Variants in BMAL1 observed in about 807,000 individuals in gnomAD.
BMAL1 encodes basic helix-loop-helix ARNT like 1.
the BMAL1 span, among the ~76,000 whole-genome samples, chr11:13,294,885 T>C: frequency 6.6e-6 from 1 of 152,212 alleles, no homozygotes; most frequent in Non-Finnish European, 1.5e-5. Flanking sequence ...TATTGTTGAT[T>C]TGGCTGTGGC....
chr11:13,303,863 A>T, the BMAL1 span, among the ~76,000 whole-genome samples: 1 of 152,182 alleles, frequency 6.6e-6, no homozygotes, highest in Non-Finnish European at 1.5e-5. Flanking sequence ...GCCTAAAAAA[A>T]GGAAGTGGGT....
chr11:13,374,019 G>T, the BMAL1 span: 3 of 1,334,110 alleles, frequency 2.2e-6, no homozygotes, highest in African/African-American at 4.3e-5. Context: ...CTGTAGCAGG[G>T]TTTATCCATT....
the BMAL1 span, among the ~76,000 whole-genome samples, chr11:13,343,644 G>A: frequency 4.4e-4 from 67 of 152,292 alleles, no homozygotes; most frequent in African/African-American, 1.5e-3. Flanking sequence ...TTGACAAAGG[G>A]TTAAGAAGAC....
the BMAL1 span, among the ~76,000 whole-genome samples, chr11:13,284,198 GTATATATATATGTGTA>G: frequency 1.5e-4 from 11 of 71,842 alleles, 2 homozygotes; most frequent in East Asian, 3.8e-3. Context: ...ATATATGTGT[GTATATATATATGTGTA>G]TATATATATA....
chr11:13,278,181 C>A, the BMAL1 span, among the ~76,000 whole-genome samples: 23 of 152,212 alleles, frequency 1.5e-4, no homozygotes, highest in Non-Finnish European at 2.8e-4. Context: ...GCTGCCGCTG[C>A]GGGCTAGGGC....
the BMAL1 span, among the ~76,000 whole-genome samples, chr11:13,334,483 A>G: frequency 0.66 from 100,831 of 151,792 alleles, 34,233 homozygotes; most frequent in African/African-American, 0.76. Flanking sequence ...CAGGGTTCAT[A>G]AAATGGTAGC....
chr11:13,373,203 A>T, the BMAL1 span, among the ~76,000 whole-genome samples: 3 of 152,322 alleles, frequency 2.0e-5, no homozygotes, highest in African/African-American at 7.2e-5. Flanking sequence ...TGAAGAACAG[A>T]GGCCAGCCTG....
chr11:13,354,210 A>ACCCC, the BMAL1 span: 3 of 273,514 alleles, frequency 1.1e-5, no homozygotes, highest in Non-Finnish European at 1.6e-5. Context: ...GCCCCCCACC[A>ACCCC]CCAAACCCCC....
chr11:13,365,282 A>AACC, the BMAL1 span: 1 of 181,120 alleles, frequency 5.5e-6, no homozygotes, highest in South Asian at 1.7e-4. Flanking sequence ...GATATGCAGA[A>AACC]ACACACACAC....
the BMAL1 span, among the ~76,000 whole-genome samples, chr11:13,360,096 G>A: frequency 6.6e-6 from 1 of 152,198 alleles, no homozygotes; most frequent in Non-Finnish European, 1.5e-5. Flanking sequence ...GGTTTTCCCT[G>A]TAATGAGAAA....
the BMAL1 span, chr11:13,360,413 C>T: frequency 6.2e-7 from 1 of 1,613,144 alleles, no homozygotes; most frequent in Non-Finnish European, 8.5e-7. Context: ...ATTGAAACAC[C>T]TCATTCTCAG....
At chr11:13,298,139 G>A in the BMAL1 span, among the ~76,000 whole-genome samples, 2 of 152,196 alleles carry the variant, frequency 1.3e-5, no homozygotes, top group Non-Finnish European at 2.9e-5. Flanking sequence ...TCATTGTGGT[G>A]CATGTAAGTG....
chr11:13,341,008 A>T, the BMAL1 span, among the ~76,000 whole-genome samples: 3 of 152,136 alleles, frequency 2.0e-5, no homozygotes. Flanking sequence ...CAGGGCTGGG[A>T]TTGGAACCCA....
the BMAL1 span, among the ~76,000 whole-genome samples, chr11:13,328,680 T>A: frequency 6.6e-6 from 1 of 152,244 alleles, no homozygotes; most frequent in Non-Finnish European, 1.5e-5. Context: ...AGAACTGAAT[T>A]CATCACAGAT....
At chr11:13,285,736 A>C in the BMAL1 span, among the ~76,000 whole-genome samples, 1 of 152,218 alleles carries the variant, frequency 6.6e-6, no homozygotes, top group East Asian at 1.9e-4. Context: ...GCCCAGTGTT[A>C]GGAAGGCCTT....
chr11:13,313,960 C>G, the BMAL1 span, among the ~76,000 whole-genome samples: 2 of 145,294 alleles, frequency 1.4e-5, no homozygotes, highest in Non-Finnish European at 3.0e-5. Flanking sequence ...TAGCTACCAA[C>G]AGCCATCACC....
the BMAL1 span, chr11:13,354,605 T>A: frequency 2.1e-5 from 20 of 973,682 alleles, no homozygotes; most frequent in Admixed American, 3.0e-5. Context: ...GGCTTTACCT[T>A]CCCCTAGTTT....
chr11:13,354,209 C>A, the BMAL1 span: 2 of 1,013,916 alleles, frequency 2.0e-6, no homozygotes, highest in Non-Finnish European at 2.7e-6. Flanking sequence ...GGCCCCCCAC[C>A]ACCAAACCCC....
chr11:13,366,329 C>G, the BMAL1 span, among the ~76,000 whole-genome samples: 3 of 152,208 alleles, frequency 2.0e-5, no homozygotes, highest in Non-Finnish European at 4.4e-5. Context: ...TGCTTGAGAA[C>G]AGAGAGGCTG....
Sources: gnomAD v4.1 joint callset for allele counts (sites outside exome capture counted in the v4.1 genomes callset) on GRCh38, gnomAD v4.1.1 for gene constraint, MANE v1.5 for transcripts, NCBI Gene and HGNC (gene_info 2026-07-23, HGNC 2026-07-21) for gene names.